SLC25A21: variants seen among roughly 807,000 people sequenced by gnomAD.
SLC25A21 encodes the protein mitochondrial 2-oxodicarboxylate carrier.
SLC25A21 carries 47 observed loss-of-function variants against 43.8 expected under a neutral mutation model. The ratio of observed to expected loss-of-function variants is 1.07; its 90% CI spans 0.85 to 1.37. The LOEUF (loss-of-function observed/expected upper bound fraction) is 1.37, where lower values mean the gene tolerates loss of function less well. Ranked by LOEUF, SLC25A21 falls within the 40% of genes most tolerant of loss-of-function variation. The pLI, the probability that SLC25A21 is intolerant of heterozygous loss-of-function variation, is 0.00. For missense variants in SLC25A21, 352 were observed against 350.2 expected, an observed-to-expected ratio of 1.00 and a Z score of -0.04; for synonymous variants, 131 against 121.3, an observed-to-expected ratio of 1.08 and a Z score of -0.52.
chr14:37,121,515 C>G (rs952840392), intron 1 of SLC25A21, among the ~76,000 whole-genome samples: 1 of 152,072 alleles, frequency 6.6e-6, no homozygotes, highest in Non-Finnish European at 1.5e-5. Flanking sequence ...TGGCCAGGAA[C>G]GATGGCTCAC....
intron 2 of SLC25A21, among the ~76,000 whole-genome samples, chr14:36,864,494 G>A (rs959296403): frequency 3.3e-5 from 5 of 152,276 alleles, no homozygotes; most frequent in South Asian, 2.1e-4. Flanking sequence ...CACCCACTAC[G>A]CAGTACTTTC....
At chr14:37,085,583 G>C (rs1280537902) in intron 1 of SLC25A21, among the ~76,000 whole-genome samples, 2 of 152,124 alleles carry the variant, frequency 1.3e-5, no homozygotes, top group Non-Finnish European at 2.9e-5. Flanking sequence ...AAACTTCAAA[G>C]ATGTCAGAAT....
chr14:36,960,086 T>C (rs1959451782), intron 1 of SLC25A21, among the ~76,000 whole-genome samples: 1 of 152,234 alleles, frequency 6.6e-6, no homozygotes, highest in Non-Finnish European at 1.5e-5. Flanking sequence ...CAAAGGTCCA[T>C]GGATGTATCT....
At chr14:36,789,787 T>A (rs1355493078) in intron 3 of SLC25A21, among the ~76,000 whole-genome samples, 1 of 115,950 alleles carries the variant, frequency 8.6e-6, no homozygotes, top group East Asian at 2.3e-4. Context: ...TTTATATATT[T>A]ATATATAATA....
chr14:37,047,388 C>A (rs1961609091), intron 1 of SLC25A21, among the ~76,000 whole-genome samples: 1 of 152,118 alleles, frequency 6.6e-6, no homozygotes, highest in South Asian at 2.1e-4. Context: ...GCTGTGAAAC[C>A]AGACCAAAGT....
At chr14:36,730,513 A>C (rs1353681188) in intron 4 of SLC25A21, among the ~76,000 whole-genome samples, 3 of 152,216 alleles carry the variant, frequency 2.0e-5, no homozygotes, top group Non-Finnish European at 4.4e-5. Context: ...TAGCCCAGTA[A>C]AATGGGGCAA....
At chr14:37,034,278 C>T (rs895166240) in intron 1 of SLC25A21, among the ~76,000 whole-genome samples, 1 of 152,108 alleles carries the variant, frequency 6.6e-6, no homozygotes, top group Non-Finnish European at 1.5e-5. Flanking sequence ...CTCAGCCTCC[C>T]AAAGTCCTGG....
chr14:36,840,636 T>C (rs1020473581), intron 2 of SLC25A21, among the ~76,000 whole-genome samples: 1 of 152,230 alleles, frequency 6.6e-6, no homozygotes, highest in African/African-American at 2.4e-5. Flanking sequence ...TCGATTTCCT[T>C]AGACTAGGCT....
intron 1 of SLC25A21, among the ~76,000 whole-genome samples, chr14:37,081,936 G>T (rs1487733746): frequency 6.6e-6 from 1 of 152,164 alleles, no homozygotes; most frequent in Non-Finnish European, 1.5e-5. Context: ...CTTCCACATT[G>T]ATAGAAAACT....
At chr14:36,958,859 A>G (rs543290044) in intron 1 of SLC25A21, among the ~76,000 whole-genome samples, 1 of 152,322 alleles carries the variant, frequency 6.6e-6, no homozygotes, top group South Asian at 2.1e-4. Context: ...AAACAAGACC[A>G]CACTCTAAAA....
intron 1 of SLC25A21, among the ~76,000 whole-genome samples, chr14:37,066,844 T>C (rs999701448): frequency 1.3e-5 from 2 of 152,204 alleles, no homozygotes; most frequent in Non-Finnish European, 2.9e-5. Context: ...AGTTTAGAAG[T>C]ATTCTTTGTA....
intron 1 of SLC25A21, among the ~76,000 whole-genome samples, chr14:37,024,464 A>G (rs753898295): frequency 3.9e-5 from 6 of 151,988 alleles, no homozygotes; most frequent in African/African-American, 9.7e-5. Context: ...TTATATACCA[A>G]CGTCAGCAGC....
chr14:36,729,422 C>A (rs528060604), intron 5 of SLC25A21, 85 bp downstream of exon 5: 43 of 1,035,540 alleles, frequency 4.2e-5, no homozygotes, highest in Admixed American at 6.1e-5. Flanking sequence ...AGTAGCTGGG[C>A]TTGGAAATCA....
chr14:37,105,854 A>G (rs529638438), intron 1 of SLC25A21, among the ~76,000 whole-genome samples: 16 of 152,262 alleles, frequency 1.1e-4, no homozygotes, highest in African/African-American at 3.6e-4. Context: ...GAGCTTGCTA[A>G]TGCCATTTTT....
chr14:36,824,905 G>A (rs1009041755), intron 2 of SLC25A21, among the ~76,000 whole-genome samples: 1 of 151,936 alleles, frequency 6.6e-6, no homozygotes, highest in South Asian at 2.1e-4. Context: ...CACTGCCAGG[G>A]GTATAGACTA....
intron 5 of SLC25A21, among the ~76,000 whole-genome samples, chr14:36,726,487 A>T (rs1369047072): frequency 6.6e-6 from 1 of 152,156 alleles, no homozygotes; most frequent in Non-Finnish European, 1.5e-5. Context: ...AAGAAAGACA[A>T]AGACAAAGAA....
At chr14:37,133,511 T>C (rs1193038753) in intron 1 of SLC25A21, among the ~76,000 whole-genome samples, 2 of 151,948 alleles carry the variant, frequency 1.3e-5, no homozygotes, top group Admixed American at 1.3e-4. Flanking sequence ...CTCCTCTAAA[T>C]AACTGCAACA....
At chr14:36,698,090 C>G (rs1883117946) in intron 7 of SLC25A21, among the ~76,000 whole-genome samples, 1 of 152,130 alleles carries the variant, frequency 6.6e-6, no homozygotes, top group Admixed American at 6.5e-5. Flanking sequence ...CCTTCAGGAG[C>G]TCTTGTAAGG....
intron 1 of SLC25A21, among the ~76,000 whole-genome samples, chr14:37,101,389 G>A (rs189505053): frequency 2.6e-3 from 402 of 152,246 alleles, no homozygotes; most frequent in Admixed American, 4.4e-3. Context: ...TTTGATAGCT[G>A]TGAGATATAC....
Sources: allele counts gnomAD v4.1 joint callset (sites outside exome capture counted in the v4.1 genomes callset), GRCh38; gene constraint gnomAD v4.1.1; transcripts MANE v1.5; gene names NCBI Gene and HGNC (gene_info 2026-07-23, HGNC 2026-07-21).